The following PAPPA2 variants were observed in gnomAD, a reference collection of about 807,000 sequenced individuals.
The protein encoded by PAPPA2 is pappalysin 2.
A neutral mutation model predicts 176.4 loss-of-function variants in PAPPA2; 86 were observed. That is an observed-to-expected ratio of 0.49 (90% confidence interval 0.41 to 0.58). The LOEUF (loss-of-function observed/expected upper bound fraction) is 0.58, where lower values mean the gene tolerates loss of function less well. Among genes scored for constraint, PAPPA2 ranks in the 20% least tolerant of loss-of-function variants. PAPPA2 has a pLI of 0.00. For synonymous variants in PAPPA2, 809 were observed against 852.2 expected (o/e 0.95, Z 0.88); for missense variants, 2,073 against 2,256.9 (o/e 0.92, Z 1.65).
intron 14 of PAPPA2, among the ~76,000 whole-genome samples, chr1:176,748,682 TTA>T (rs1165231565): frequency 6.6e-6 from 1 of 152,196 alleles, no homozygotes; most frequent in African/African-American, 2.4e-5. Context: ...TTTCATAAGA[TTA>T]TAATACAGTA....
chr1:176,487,056 G>A (rs1460543049), intron 1 of PAPPA2, among the ~76,000 whole-genome samples: 3 of 152,182 alleles, frequency 2.0e-5, no homozygotes, highest in Non-Finnish European at 4.4e-5. Flanking sequence ...AAAAAGGAGA[G>A]AGCTGAAAAG....
At chr1:176,774,916 C>T (rs199593280) in intron 17 of PAPPA2, among the ~76,000 whole-genome samples, 2 of 152,288 alleles carry the variant, frequency 1.3e-5, no homozygotes, top group East Asian at 3.9e-4. Context: ...TACTACTGGA[C>T]TTCTTTTATA....
intron 3 of PAPPA2, among the ~76,000 whole-genome samples, chr1:176,607,069 A>G (rs955862537): frequency 2.6e-5 from 4 of 151,940 alleles, no homozygotes; most frequent in Non-Finnish European, 5.9e-5. Flanking sequence ...TATTATTTTT[A>G]TATTTATTTT....
At chr1:176,570,700 G>T (rs1425839766) in intron 2 of PAPPA2, among the ~76,000 whole-genome samples, 1 of 150,282 alleles carries the variant, frequency 6.7e-6, no homozygotes, top group Admixed American at 6.6e-5. Context: ...GCTGGTCCCT[G>T]GCTGAGGTCA....
intron 2 of PAPPA2, among the ~76,000 whole-genome samples, chr1:176,582,662 A>G (rs1355867049): frequency 6.6e-6 from 1 of 151,970 alleles, no homozygotes; most frequent in Non-Finnish European, 1.5e-5. Flanking sequence ...TTGGTTTGCT[A>G]ATATTTTGTC....
chr1:176,682,916 C>T (rs1173162637), intron 4 of PAPPA2, among the ~76,000 whole-genome samples: 2 of 152,058 alleles, frequency 1.3e-5, no homozygotes, highest in Non-Finnish European at 2.9e-5. Flanking sequence ...TCAACCTCCC[C>T]GTTTTATGGG....
intron 12 of PAPPA2, among the ~76,000 whole-genome samples, chr1:176,727,783 C>T (rs1032714043): frequency 2.6e-5 from 4 of 151,940 alleles, no homozygotes; most frequent in Admixed American, 6.6e-5. Context: ...TTCACCAAGA[C>T]AGACCATATA....
At chr1:176,780,152 T>A (rs1664648675) in intron 17 of PAPPA2, among the ~76,000 whole-genome samples, 1 of 152,156 alleles carries the variant, frequency 6.6e-6, no homozygotes, top group Non-Finnish European at 1.5e-5. Flanking sequence ...TGACCTGCAG[T>A]GGTTAAGTTA....
intron 3 of PAPPA2, among the ~76,000 whole-genome samples, chr1:176,627,992 G>A (rs145623874): frequency 8.5e-5 from 13 of 152,280 alleles, no homozygotes; most frequent in Non-Finnish European, 1.9e-4. Flanking sequence ...TGGTCATTAG[G>A]CGAGCAGGAG....
chr1:176,728,022 G>A (rs1367623707), intron 12 of PAPPA2, among the ~76,000 whole-genome samples: 1 of 151,760 alleles, frequency 6.6e-6, no homozygotes, highest in Non-Finnish European at 1.5e-5. Flanking sequence ...GAAATTTATA[G>A]CATTTAAAAT....
At position 176,559,090 on chromosome 1, in the gene PAPPA2, T is replaced by C. The variant is rs561751071; in HGVS notation, c.919+1849T>C. The stretch of plus-strand genomic sequence containing the variant: ...CCCCATCCCCACCCCAGGACGTCTT[T>C]CTACCTTGCCCACCTGTCCACCGCC... On this transcript the variant is annotated intron_variant, in intron 2 of 22. Coordinates refer to ENST00000367662, the MANE Select transcript of PAPPA2 (RefSeq NM_020318.3). Among the ~76,000 whole-genome samples the C allele has an allele frequency of 2.6e-5, 4 of 152,288 alleles. 1 individual carries two copies. The highest frequency in any genetic ancestry group is 1.3e-4 in the Admixed American group (2 of 15,290).
intron 21 of PAPPA2, among the ~76,000 whole-genome samples, chr1:176,822,394 G>A (rs1288304942): frequency 6.6e-6 from 1 of 152,054 alleles, no homozygotes; most frequent in Non-Finnish European, 1.5e-5. Flanking sequence ...AGAATATAGG[G>A]GGCCCAAAGG....
At chr1:176,634,342 A>G (rs940964119) in intron 3 of PAPPA2, among the ~76,000 whole-genome samples, 1 of 85,898 alleles carries the variant, frequency 1.2e-5, no homozygotes, top group Admixed American at 1.0e-4. Context: ...TGGCAAGGAC[A>G]AAAAACCAAA....
intron 21 of PAPPA2, among the ~76,000 whole-genome samples, chr1:176,806,554 G>T (rs895233516): frequency 2.0e-5 from 3 of 152,192 alleles, no homozygotes; most frequent in African/African-American, 7.2e-5. Flanking sequence ...CAGTGAAAGT[G>T]GCATGGTGGC....
intron 1 of PAPPA2, among the ~76,000 whole-genome samples, chr1:176,478,377 T>C (rs554514909): frequency 8.5e-5 from 13 of 152,396 alleles, no homozygotes; most frequent in African/African-American, 3.1e-4. Context: ...TTCCTGGCTC[T>C]GCTACTTGTT....
chr1:176,767,070 T>A (rs971839680), intron 15 of PAPPA2, among the ~76,000 whole-genome samples: 2 of 152,156 alleles, frequency 1.3e-5, no homozygotes, highest in Non-Finnish European at 2.9e-5. Flanking sequence ...GGCACCAACT[T>A]CTTGGTCTGT....
intron 3 of PAPPA2, among the ~76,000 whole-genome samples, chr1:176,646,905 C>A (rs1200325025): frequency 3.3e-5 from 5 of 151,534 alleles, no homozygotes; most frequent in Non-Finnish European, 3.0e-5. Flanking sequence ...ATACTGATTT[C>A]TTTTCTGTTG....
chr1:176,791,077 T>C (rs938104146), intron 18 of PAPPA2, among the ~76,000 whole-genome samples: 2 of 152,112 alleles, frequency 1.3e-5, no homozygotes, highest in African/African-American at 4.8e-5. Context: ...TGATAGCTGA[T>C]TGTGTTCCTA....
intron 5 of PAPPA2, chr1:176,691,007 C>T (rs1660098157): frequency 1.0e-6 from 1 of 984,730 alleles, no homozygotes; most frequent in Non-Finnish European, 1.2e-6. Context: ...CAAAAGGTGA[C>T]ATCTAATTTT....
Sources: allele counts gnomAD v4.1 joint callset (sites outside exome capture counted in the v4.1 genomes callset), GRCh38; gene constraint gnomAD v4.1.1; transcripts MANE v1.5; gene names NCBI Gene and HGNC (gene_info 2026-07-23, HGNC 2026-07-21).